The following CSPP1 variants were observed in gnomAD, a reference collection of about 807,000 sequenced individuals.
CSPP1 encodes the protein centrosome and spindle pole-associated protein 1.
CSPP1 carries 126 observed loss-of-function variants against 164.4 expected under a neutral mutation model. The observed-to-expected ratio is 0.77, with a 90% confidence interval of 0.66 to 0.89. CSPP1 has a LOEUF of 0.89. Ranked by LOEUF, CSPP1 falls within the 40% of genes least tolerant of loss-of-function variation. The probability of loss-of-function intolerance (pLI) is 0.00; values close to 1 mark genes in which losing one functional copy is unlikely to be tolerated. For synonymous variants in CSPP1, 472 were observed against 476.7 expected (o/e 0.99, Z 0.13); for missense variants, 1,395 against 1,449.8 (o/e 0.96, Z 0.61).
chr8:67,089,451 G>A (rs745784947), intron 4 of CSPP1, among the ~76,000 whole-genome samples: 2 of 152,168 alleles, frequency 1.3e-5, no homozygotes, highest in Non-Finnish European at 1.5e-5. Flanking sequence ...TGTAGACCAT[G>A]TCCAAAAGAG....
chr8:67,190,134 G>A (rs575926587), intron 28 of CSPP1, among the ~76,000 whole-genome samples: 1 of 152,294 alleles, frequency 6.6e-6, no homozygotes, highest in South Asian at 2.1e-4. Flanking sequence ...GAATGTGAAT[G>A]TTCATAGCAG....
chr8:67,091,966 C>T, intron 5 of CSPP1, 83 bp downstream of exon 5: 1 of 357,332 alleles, frequency 2.8e-6, no homozygotes, highest in Non-Finnish European at 5.2e-6. Flanking sequence ...GATTTAAATG[C>T]AAATGGAAGA....
intron 19 of CSPP1, among the ~76,000 whole-genome samples, chr8:67,157,160 T>C (rs569899555): frequency 1.1e-4 from 17 of 152,276 alleles, no homozygotes; most frequent in Admixed American, 7.2e-4. Flanking sequence ...CATATTGGAC[T>C]TGAAGAAGTG....
chr8:67,137,514 C>A lies in CSPP1; in HGVS notation c.1886C>A (p.Ala629Asp). 6.3e-7 allele frequency: 1 copy of A among 1,582,732 alleles called. No homozygotes were observed. Among genetic ancestry groups the A allele is most frequent in the Non-Finnish European group, 8.6e-7 (1 of 1,159,460 alleles). The change falls in exon 17 of 31, where the codon GCT (alanine) becomes GAT (aspartate). Residue 629 changes from alanine to aspartate, a missense_variant. Physicochemically the swap from Ala to Asp is moderately radical, Grantham distance 126. Transcript: ENST00000678616. The part of the protein sequence containing the change: ...KEREEKEEYE[A>D]KLEAEMRTYN... ...CGTGAAGAAAAAGAAGAATATGAAG[C>A]TAAATTAGAAGCTGAAATGAGAACA... is the stretch of plus-strand genomic sequence containing the variant.
chr8:67,154,345 CTTTTA>C (rs1044611198), intron 19 of CSPP1, among the ~76,000 whole-genome samples: 3 of 151,918 alleles, frequency 2.0e-5, no homozygotes, highest in Admixed American at 6.6e-5. Flanking sequence ...TTGACTTAAT[CTTTTA>C]TTTTATTAAA....
At chr8:67,132,683 C>T (rs915677595) in intron 16 of CSPP1, among the ~76,000 whole-genome samples, 2 of 151,952 alleles carry the variant, frequency 1.3e-5, no homozygotes, top group Non-Finnish European at 2.9e-5. Flanking sequence ...TGACAGGACT[C>T]AGATATAGGG....
intron 6 of CSPP1, among the ~76,000 whole-genome samples, chr8:67,094,035 G>A (rs967023424): frequency 1.3e-4 from 18 of 134,012 alleles, no homozygotes; most frequent in African/African-American, 3.9e-4. Flanking sequence ...CAGGAGAATC[G>A]CTTGAACCTG....
At chr8:67,100,311 C>A (rs1035948994) in intron 7 of CSPP1, among the ~76,000 whole-genome samples, 9 of 152,054 alleles carry the variant, frequency 5.9e-5, no homozygotes, top group African/African-American at 1.9e-4. Flanking sequence ...AAAATGACCT[C>A]TTGTGTTTAT....
intron 7 of CSPP1, among the ~76,000 whole-genome samples, chr8:67,097,928 AT>A (rs565250676): frequency 2.7e-4 from 41 of 151,316 alleles, no homozygotes; most frequent in Non-Finnish European, 5.2e-4. Flanking sequence ...TATAAATCAT[AT>A]TTTTATTTCG....
At chr8:67,181,245 C>T (rs771124705) in intron 28 of CSPP1, among the ~76,000 whole-genome samples, 7 of 151,490 alleles carry the variant, frequency 4.6e-5, no homozygotes, top group Non-Finnish European at 8.8e-5. Flanking sequence ...CCTATGTTGC[C>T]CAGGCTGGTC....
chr8:67,071,341 C>T (rs962970347), intron 1 of CSPP1, among the ~76,000 whole-genome samples: 1 of 151,374 alleles, frequency 6.6e-6, no homozygotes, highest in Admixed American at 6.6e-5. Flanking sequence ...TGTTTCATAT[C>T]CCTGTTTTAA....
chr8:67,105,283 C>A (rs1045100267), intron 8 of CSPP1, among the ~76,000 whole-genome samples: 4 of 152,014 alleles, frequency 2.6e-5, no homozygotes, highest in Non-Finnish European at 4.4e-5. Context: ...GCCTTGGCCT[C>A]CCAGGGTGCT....
chr8:67,072,321 A>C (rs778752415), intron 1 of CSPP1, among the ~76,000 whole-genome samples: 17 of 152,024 alleles, frequency 1.1e-4, no homozygotes, highest in Admixed American at 2.0e-4. Context: ...GATAGGACAC[A>C]AAAAGTACAA....
chr8:67,098,070 G>T (rs917988068), intron 7 of CSPP1, among the ~76,000 whole-genome samples: 1 of 149,076 alleles, frequency 6.7e-6, no homozygotes, highest in Non-Finnish European at 1.5e-5. Flanking sequence ...AAAAAGACCA[G>T]TCATTCAGTA....
intron 13 of CSPP1, 66 bp from the exon 14 acceptor site, chr8:67,118,182 C>T (rs1358293749): frequency 1.3e-6 from 2 of 1,544,962 alleles, no homozygotes; most frequent in African/African-American, 1.4e-5. Context: ...AAAAGAGTAA[C>T]ATCTTGATTT....
At chr8:67,184,294 A>G (rs193113079) in intron 28 of CSPP1, among the ~76,000 whole-genome samples, 5 of 152,378 alleles carry the variant, frequency 3.3e-5, no homozygotes, top group South Asian at 2.1e-4. Flanking sequence ...AAGCAGAAGA[A>G]GAGAAATAAA....
rs527372531 is a variant in CSPP1 at position 67,190,761 on chromosome 8, T to C, written c.3330+2T>C. On this transcript the variant is annotated splice_donor_variant, in intron 29 of 30. Coordinates refer to ENST00000678616, the MANE Select transcript of CSPP1 (RefSeq NM_001382391.1). LOFTEE classifies it high-confidence loss of function. ...AACAAATGGAAAGGACTAGACATTGTATGTATGAGACTTTTCTCCCCCTTT... is the reference window on the plus strand; with the variant it reads ...AACAAATGGAAAGGACTAGACATTGCATGTATGAGACTTTTCTCCCCCTTT... 1.9e-6 allele frequency: 3 copies of C among 1,592,982 alleles called. No homozygotes were observed. The South Asian group carries it at 3.3e-5, about 18-fold the overall frequency.
intron 17 of CSPP1, among the ~76,000 whole-genome samples, chr8:67,143,994 G>A (rs1320975364): frequency 1.3e-5 from 2 of 152,146 alleles, no homozygotes; most frequent in African/African-American, 4.8e-5. Context: ...GAATTCATGA[G>A]CGCAGACATC....
At chr8:67,141,157 C>A (rs1823417498) in intron 17 of CSPP1, among the ~76,000 whole-genome samples, 1 of 152,108 alleles carries the variant, frequency 6.6e-6, no homozygotes, top group Non-Finnish European at 1.5e-5. Context: ...AAGATTATTT[C>A]TAGTTCAAAC....
Sources: gnomAD v4.1 joint callset for allele counts (sites outside exome capture counted in the v4.1 genomes callset) on GRCh38, gnomAD v4.1.1 for gene constraint, MANE v1.5 for transcripts, NCBI Gene and HGNC (gene_info 2026-07-23, HGNC 2026-07-21) for gene names.